Variants in OSTF1 observed in about 807,000 individuals in gnomAD.
The protein encoded by OSTF1 is osteoclast-stimulating factor 1.
OSTF1 carries 27 observed loss-of-function variants against 37.2 expected under a neutral mutation model. The ratio of observed to expected loss-of-function variants is 0.73; its 90% CI spans 0.54 to 1.00. The LOEUF is 1.00. OSTF1 is among the 50% of genes least tolerant of loss of function. OSTF1 has a pLI of 0.00. For synonymous variants in OSTF1, 82 were observed against 89.2 expected, an observed-to-expected ratio of 0.92 and a Z score of 0.46; for missense variants, 232 against 253.8, an observed-to-expected ratio of 0.91 and a Z score of 0.58.
chr9:75,130,541 G>A (rs1312745512), intron 3 of OSTF1, 37 bp from the exon 4 acceptor site: 2 of 1,404,564 alleles, frequency 1.4e-6, no homozygotes, highest in Non-Finnish European at 1.0e-6. Flanking sequence ...ATGCAGTCTG[G>A]ATTTCATACC....
At chr9:75,124,995 G>A (rs1825639000) in intron 2 of OSTF1, among the ~76,000 whole-genome samples, 1 of 152,162 alleles carries the variant, frequency 6.6e-6, no homozygotes, top group Non-Finnish European at 1.5e-5. Flanking sequence ...GCCCAGGACG[G>A]CTCATAGATG....
At chr9:75,121,326 ACT>A (rs1293415800) in intron 2 of OSTF1, among the ~76,000 whole-genome samples, 1 of 152,070 alleles carries the variant, frequency 6.6e-6, no homozygotes, top group African/African-American at 2.4e-5. Context: ...TTCCAATTCT[ACT>A]CTAAGATGGA....
intron 2 of OSTF1, among the ~76,000 whole-genome samples, chr9:75,118,176 G>A (rs542335513): frequency 2.0e-5 from 3 of 152,288 alleles, no homozygotes; most frequent in East Asian, 3.9e-4. Context: ...AAAATAAGGA[G>A]GGTTAGGAGC....
intron 1 of OSTF1, among the ~76,000 whole-genome samples, chr9:75,089,700 T>C (rs992972108): frequency 3.3e-5 from 5 of 152,244 alleles, no homozygotes; most frequent in Admixed American, 2.0e-4. Context: ...TTGGGTTTTT[T>C]CTTCCCATAG....
intron 1 of OSTF1, among the ~76,000 whole-genome samples, chr9:75,095,899 T>TCA (rs1564152749): frequency 6.6e-6 from 1 of 151,436 alleles, no homozygotes; most frequent in Non-Finnish European, 1.5e-5. Context: ...GGCCCCCCTT[T>TCA]TTTTTTTTTT....
intron 1 of OSTF1, among the ~76,000 whole-genome samples, chr9:75,095,951 G>A (rs1159868880): frequency 6.6e-6 from 1 of 151,814 alleles, no homozygotes; most frequent in African/African-American, 2.4e-5. Flanking sequence ...GAGTGCAGTG[G>A]CGCGATTTCG....
chr9:75,127,353 T>TTATA (rs1395539485), intron 2 of OSTF1, among the ~76,000 whole-genome samples: 1 of 152,210 alleles, frequency 6.6e-6, no homozygotes, highest in Admixed American at 6.5e-5. Context: ...TGGAGAATCT[T>TTATA]TATATATGTA....
Position 75,145,229 on chromosome 9 carries a change from C to T in OSTF1, c.587-1454C>T, listed in dbSNP as rs141906862. Reference sequence around the variant, plus strand: ...AGGTTCTATCCATCTACTTACCTACCTACCTACTTACCTACCTACCTAGCT... The same window carrying T: ...AGGTTCTATCCATCTACTTACCTACTTACCTACTTACCTACCTACCTAGCT... On this transcript the variant is annotated intron_variant, in intron 9 of 9. Transcript: ENST00000346234. Among the ~76,000 whole-genome samples, 316 of 152,084 alleles carry T rather than the reference C, an allele frequency of 2.1e-3. 1 individual carries two copies. Among genetic ancestry groups the T allele is most frequent in the Middle Eastern group, 0.01 (3 of 294 alleles).
Position 75,117,570 on chromosome 9 carries a change from CT to C in OSTF1, c.81+22del. ...AGAACTGTAAGTGTTCAGTTTTTAA[CT>C]TCTAAAATTGACAGAAAAACCTAAG... On this transcript the variant is annotated intron_variant, in intron 2 of 9. Coordinates refer to ENST00000346234, the MANE Select transcript of OSTF1 (RefSeq NM_012383.5). 1 of 1,563,548 alleles carries C rather than the reference CT, an allele frequency of 6.4e-7. No homozygotes were observed. The highest frequency in any genetic ancestry group is 8.8e-7 in the Non-Finnish European group (1 of 1,135,502).
At position 75,120,902 on chromosome 9, in the gene OSTF1, A is replaced by G. The variant is rs1272365653; in HGVS notation, c.81+3352A>G. On this transcript the variant is annotated intron_variant, in intron 2 of 9. Transcript: ENST00000346234. ...ATGGCCCTGTCCCTTCCAAGCTGAC[A>G]TTAAATACTTCCTCTTCTGTAAAGA... Among the ~76,000 whole-genome samples the G allele has an allele frequency of 4.6e-5, 7 of 152,182 alleles. No homozygotes were observed. In the East Asian group the frequency reaches 1.2e-3, roughly 25 times the overall value.
At chr9:75,104,108 G>A (rs1221508432) in intron 1 of OSTF1, among the ~76,000 whole-genome samples, 1 of 152,098 alleles carries the variant, frequency 6.6e-6, no homozygotes, top group Non-Finnish European at 1.5e-5. Context: ...CCCCAGTGTG[G>A]TGGCACAAGC....
chr9:75,139,336 A>G (rs998107704), intron 8 of OSTF1, among the ~76,000 whole-genome samples: 1 of 151,850 alleles, frequency 6.6e-6, no homozygotes, highest in Non-Finnish European at 1.5e-5. Flanking sequence ...GTGCTGGCCT[A>G]TTTTTGTTTA....
At chr9:75,146,578 A>G in intron 9 of OSTF1, 105 bp from the exon 10 acceptor site, 1 of 765,128 alleles carries the variant, frequency 1.3e-6, no homozygotes, top group Non-Finnish European at 2.2e-6. Flanking sequence ...TCCCTGGGTC[A>G]GATGGAAGAT....
At chr9:75,100,106 A>C (rs1414321072) in intron 1 of OSTF1, among the ~76,000 whole-genome samples, 1 of 152,264 alleles carries the variant, frequency 6.6e-6, no homozygotes. Flanking sequence ...TGGGTATAGA[A>C]GGATATCAAA....
intron 1 of OSTF1, among the ~76,000 whole-genome samples, chr9:75,110,008 T>G (rs558028792): frequency 6.6e-6 from 1 of 152,326 alleles, no homozygotes; most frequent in Non-Finnish European, 1.5e-5. Context: ...CCCTCCATTA[T>G]CAACATCCCT....
chr9:75,095,212 AC>A (rs1264410559), intron 1 of OSTF1, among the ~76,000 whole-genome samples: 2 of 152,194 alleles, frequency 1.3e-5, no homozygotes, highest in Non-Finnish European at 2.9e-5. Flanking sequence ...TTGCTTACAC[AC>A]GTAAATCCAT....
chr9:75,118,701 A>G (rs1051569253), intron 2 of OSTF1, among the ~76,000 whole-genome samples: 17 of 152,218 alleles, frequency 1.1e-4, no homozygotes, highest in Admixed American at 3.9e-4. Context: ...CATGTCTTAC[A>G]TGGCAGCAGA....
At chr9:75,144,837 C>A (rs1308847111) in intron 9 of OSTF1, among the ~76,000 whole-genome samples, 1 of 152,072 alleles carries the variant, frequency 6.6e-6, no homozygotes, top group Admixed American at 6.6e-5. Context: ...TTATTTAAGT[C>A]AGGATTCACA....
chr9:75,100,568 A>G (rs1249432539), intron 1 of OSTF1, among the ~76,000 whole-genome samples: 7 of 152,014 alleles, frequency 4.6e-5, no homozygotes, highest in Non-Finnish European at 7.4e-5. Context: ...TGTCTCTACT[A>G]AAAATACAAA....
Sources: allele counts gnomAD v4.1 joint callset (sites outside exome capture counted in the v4.1 genomes callset), GRCh38; gene constraint gnomAD v4.1.1; transcripts MANE v1.5; gene names NCBI Gene and HGNC (gene_info 2026-07-23, HGNC 2026-07-21).